Variants in UTRN observed in about 807,000 individuals in gnomAD.
UTRN encodes utrophin.
Under a neutral mutation model 463.9 loss-of-function variants are expected in UTRN, and 283 were observed. That is an observed-to-expected ratio of 0.61 (90% confidence interval 0.55 to 0.67). UTRN has a LOEUF of 0.67. UTRN is among the 30% of genes least tolerant of loss of function. UTRN has a pLI of 0.00. For missense variants in UTRN, 3,922 were observed against 4,084.3 expected, an observed-to-expected ratio of 0.96 and a Z score of 1.08; for synonymous variants, 1,442 against 1,431.5, an observed-to-expected ratio of 1.01 and a Z score of -0.17.
In UTRN at chr6:144,613,431, TTTGA is replaced by T. The variant is rs143641649; in HGVS notation, c.7479+36149_7479+36152del. 2.6e-3 allele frequency among the ~76,000 whole-genome samples: 393 copies of T among 152,208 alleles called. 13 individuals are homozygous for T. In the East Asian group the frequency reaches 0.058, roughly 23 times the overall value. ...GCAAGGAGATGAATCGGTTAATTAG[TTTGA>T]TTGATCATGCCGTGTTGTATCCATG... On this transcript the variant is annotated intron_variant, in intron 51 of 74. Coordinates refer to ENST00000367545, the MANE Select transcript of UTRN (RefSeq NM_007124.3).
At chr6:144,636,389 CA>C (rs1473136315) in intron 51 of UTRN, among the ~76,000 whole-genome samples, 4 of 150,762 alleles carry the variant, frequency 2.7e-5, no homozygotes, top group African/African-American at 9.8e-5. Flanking sequence ...TGGGGCCTGT[CA>C]GGGGGTGGGG....
chr6:144,608,721 C>A (rs930065224), intron 51 of UTRN, among the ~76,000 whole-genome samples: 1 of 152,106 alleles, frequency 6.6e-6, no homozygotes, highest in African/African-American at 2.4e-5. Context: ...TGAAAAAGTT[C>A]TTGTGTGGCT....
chr6:144,380,687 T>C (rs1161088120), intron 2 of UTRN, among the ~76,000 whole-genome samples: 2 of 152,154 alleles, frequency 1.3e-5, no homozygotes, highest in African/African-American at 4.8e-5. Flanking sequence ...TGGTGGCTCA[T>C]GCCTGTAGTC....
At chr6:144,400,314 CG>C (rs1419276228) in intron 2 of UTRN, among the ~76,000 whole-genome samples, 3 of 152,012 alleles carry the variant, frequency 2.0e-5, no homozygotes, top group Non-Finnish European at 4.4e-5. Flanking sequence ...GTTAAAATAA[CG>C]AATTGGCTTG....
At chr6:144,471,053 GGGGAGAGGGAGGGGGAGGGGGCGA>G in intron 23 of UTRN, among the ~76,000 whole-genome samples, 1 of 109,940 alleles carries the variant, frequency 9.1e-6, no homozygotes. Context: ...GGAGAGGGAG[GGGGAGAGGGAGGGGGAGGGGGCGA>G]GGGAGGGGGA....
chr6:144,481,756 A>G (rs1791891469), intron 26 of UTRN, among the ~76,000 whole-genome samples: 1 of 152,238 alleles, frequency 6.6e-6, no homozygotes, highest in Non-Finnish European at 1.5e-5. Context: ...TAGCATTCTT[A>G]TTTCAAAAAC....
intron 2 of UTRN, among the ~76,000 whole-genome samples, chr6:144,349,062 C>G (rs574843981): frequency 6.6e-6 from 1 of 151,950 alleles, no homozygotes; most frequent in African/African-American, 2.4e-5. Context: ...CAGGCTGGAG[C>G]GCGTGATGGG....
intron 52 of UTRN, among the ~76,000 whole-genome samples, chr6:144,681,039 A>G (rs1391204723): frequency 6.6e-6 from 1 of 152,202 alleles, no homozygotes; most frequent in Non-Finnish European, 1.5e-5. Flanking sequence ...TCACACAGCT[A>G]CGGAGGATGC....
intron 51 of UTRN, among the ~76,000 whole-genome samples, chr6:144,579,449 A>G (rs1801754512): frequency 6.6e-6 from 1 of 152,214 alleles, no homozygotes; most frequent in Non-Finnish European, 1.5e-5. Flanking sequence ...TACACAATGA[A>G]TAAAGGAGGC....
At chr6:144,597,313 C>T (rs372393182) in intron 51 of UTRN, among the ~76,000 whole-genome samples, 5 of 151,648 alleles carry the variant, frequency 3.3e-5, no homozygotes, top group African/African-American at 1.2e-4. Context: ...TCATTTAGCT[C>T]ATTTACATTT....
rs148873270 is a variant in UTRN at position 144,511,053 on chromosome 6, G to A, written c.4874G>A (p.Arg1625Lys). 1.5e-3 allele frequency: 2,357 copies of A among 1,612,666 alleles called. 4 individuals are homozygous for A. Among genetic ancestry groups the A allele is most frequent in the Non-Finnish European group, 1.9e-3 (2,187 of 1,179,056 alleles). The change falls in exon 35 of 75, where the codon AGG becomes AAG. Residue 1625 changes from arginine (R) to lysine (K), a missense_variant. Around this residue, in one of 3 missense-constraint regions of UTRN, gnomAD observed 2,349 missense variants for 2,303.8 expected, o/e 1.02. Transcript: ENST00000367545. ...GGCAGTGAGCCTATTTTAGAAGAGAGGCTCTGCGTCCTTAACGCTGGGTGG... is the reference window on the plus strand; with the variant it reads ...GGCAGTGAGCCTATTTTAGAAGAGAAGCTCTGCGTCCTTAACGCTGGGTGG... The part of the protein sequence containing the change: ...IEGSEPILEE[R>K]LCVLNAGWSR...
intron 54 of UTRN, among the ~76,000 whole-genome samples, chr6:144,744,318 ATATGTGTGTGTGTGTGTG>A (rs6149837): frequency 0.12 from 16,254 of 135,558 alleles, 1,721 homozygotes; most frequent in Admixed American, 0.32. Flanking sequence ...ATATATATAT[ATATGTGTGTGTGTGTGTG>A]TGTGTGTGTG....
intron 51 of UTRN, among the ~76,000 whole-genome samples, chr6:144,647,619 G>A (rs921566031): frequency 4.6e-5 from 7 of 152,218 alleles, no homozygotes; most frequent in African/African-American, 1.4e-4. Context: ...GGAGCTTTGC[G>A]GTCTAGGGGA....
chr6:144,703,980 C>T (rs1784833765), intron 53 of UTRN, among the ~76,000 whole-genome samples: 1 of 152,012 alleles, frequency 6.6e-6, no homozygotes, highest in African/African-American at 2.4e-5. Flanking sequence ...AAGAATGATT[C>T]TGTGAAGTGG....
chr6:144,845,118 G>A (rs1781908497), intron 73 of UTRN, among the ~76,000 whole-genome samples: 1 of 152,112 alleles, frequency 6.6e-6, no homozygotes, highest in Non-Finnish European at 1.5e-5. Context: ...TTGAATTATG[G>A]CCTTTTAAAG....
intron 72 of UTRN, among the ~76,000 whole-genome samples, chr6:144,839,597 T>C (rs1373653056): frequency 6.6e-6 from 1 of 152,204 alleles, no homozygotes; most frequent in Admixed American, 6.5e-5. Flanking sequence ...TAGTACACTT[T>C]CTGTCTCTAA....
chr6:144,553,510 G>T (rs1013808220), intron 48 of UTRN, among the ~76,000 whole-genome samples: 2 of 152,104 alleles, frequency 1.3e-5, no homozygotes, highest in African/African-American at 4.8e-5. Context: ...CAGCAGCGTG[G>T]TTTTAACATT....
At chr6:144,608,961 A>G (rs960672584) in intron 51 of UTRN, among the ~76,000 whole-genome samples, 3 of 152,230 alleles carry the variant, frequency 2.0e-5, no homozygotes, top group African/African-American at 7.2e-5. Flanking sequence ...AAGACAGTAC[A>G]GAGGAAGAAG....
chr6:144,423,202 C>T (rs536444051), intron 4 of UTRN, among the ~76,000 whole-genome samples: 68 of 152,354 alleles, frequency 4.5e-4, no homozygotes, highest in African/African-American at 1.6e-3. Flanking sequence ...ATTAGAACTA[C>T]AGGCAATCTT....
Sources: gnomAD v4.1 joint callset for allele counts (sites outside exome capture counted in the v4.1 genomes callset) on GRCh38, gnomAD v4.1.1 for gene constraint, gnomAD v4.1.1 regional missense constraint, MANE v1.5 for transcripts, NCBI Gene and HGNC (gene_info 2026-07-23, HGNC 2026-07-21) for gene names.